POFUT1: variants seen among roughly 807,000 people sequenced by gnomAD.
POFUT1 encodes GDP-fucose protein O-fucosyltransferase 1.
A neutral mutation model predicts 42.4 loss-of-function variants in POFUT1; 16 were observed. The observed-to-expected ratio is 0.38, with a 90% CI of 0.26 to 0.57. POFUT1 has a LOEUF of 0.57. POFUT1 is among the 20% of genes least tolerant of loss of function. POFUT1 has a pLI of 0.71. For synonymous variants in POFUT1, 206 were observed against 205.4 expected, an observed-to-expected ratio of 1.00 and a Z score of -0.03; for missense variants, 470 against 504.6, an observed-to-expected ratio of 0.93 and a Z score of 0.66.
chr20:32,209,990 C>A, intron 1 of POFUT1, 81 bp from the exon 2 acceptor site: 1 of 1,526,548 alleles, frequency 6.6e-7, no homozygotes, highest in Non-Finnish European at 9.1e-7. Context: ...CTACCCCTGG[C>A]TCCACAACCT....
At chr20:32,212,683 G>C (rs1055729063) in intron 2 of POFUT1, among the ~76,000 whole-genome samples, 2 of 152,164 alleles carry the variant, frequency 1.3e-5, no homozygotes, top group Admixed American at 1.3e-4. Flanking sequence ...CCGGGTTCAA[G>C]TGATTTTTGT....
At position 32,216,738 on chromosome 20, in the gene POFUT1, G is replaced by GCGCTA; in HGVS notation, c.542+19_542+20insCTACG. 3.2e-6 allele frequency: 5 copies of GCGCTA among 1,559,486 alleles called. No individual in the cohort carries two copies. The highest frequency in any genetic ancestry group is 4.4e-6 in the Non-Finnish European group (5 of 1,130,278). On this transcript the variant is annotated intron_variant, in intron 4 of 6. Coordinates refer to ENST00000375749, the MANE Select transcript of POFUT1 (RefSeq NM_015352.2). ...GAGCCAGAGGTACTTGGAGGGGGTAGCGTTTCTGGGTTTAGGGGAGGCGCA... is the reference window on the plus strand; with the variant it reads ...GAGCCAGAGGTACTTGGAGGGGGTAGCGCTACGTTTCTGGGTTTAGGGGAGGCGCA...
intron 2 of POFUT1, among the ~76,000 whole-genome samples, chr20:32,212,280 C>CT (rs879826882): frequency 5.5e-4 from 81 of 146,714 alleles, no homozygotes; most frequent in South Asian, 8.6e-4. Flanking sequence ...TTTCTTTTTT[C>CT]TTTTTTTTTT....
Position 32,216,660 on chromosome 20 carries a change from A to T in POFUT1, c.481A>T (p.Lys161Ter). Reference sequence around the variant, plus strand: ...GGATCAGTTTCATGTGAGTTTCAACAAGTCGGAGCTTTTTACAGGCATTTC... The same window carrying T: ...GGATCAGTTTCATGTGAGTTTCAACTAGTCGGAGCTTTTTACAGGCATTTC... The part of the protein sequence containing the change: ...FWDQFHVSFN[K>*]SELFTGISFS... Residue 161 changes from lysine to a stop codon, truncating the protein, a stop_gained, in exon 4 of 7, where the codon AAG becomes TAG. Transcript: ENST00000375749. LOFTEE classifies it high-confidence loss of function. 1 of 1,614,030 alleles carries T rather than the reference A, an allele frequency of 6.2e-7. No individual in the cohort carries two copies. The highest frequency in any genetic ancestry group is 8.5e-7 in the Non-Finnish European group (1 of 1,179,886).
chr20:32,229,630 C>T (rs113307799), intron 5 of POFUT1, among the ~76,000 whole-genome samples: 28 of 152,240 alleles, frequency 1.8e-4, no homozygotes, highest in African/African-American at 6.0e-4. Flanking sequence ...TAAGGCTGCC[C>T]GTTAGTACTG....
chr20:32,223,814 G>C, intron 4 of POFUT1: 1 of 473,404 alleles, frequency 2.1e-6, no homozygotes, highest in Non-Finnish European at 2.8e-6. Flanking sequence ...CATTGTCAAG[G>C]GTGGGGGAGA....
At chr20:32,219,658 G>A (rs568262103) in intron 4 of POFUT1, among the ~76,000 whole-genome samples, 8 of 151,974 alleles carry the variant, frequency 5.3e-5, no homozygotes, top group East Asian at 3.9e-4. Flanking sequence ...CACCACGCCC[G>A]GCTGATTTTT....
chr20:32,230,359 C>T (rs1409409088), intron 5 of POFUT1, among the ~76,000 whole-genome samples: 8 of 147,800 alleles, frequency 5.4e-5, no homozygotes, highest in African/African-American at 2.0e-4. Flanking sequence ...TGCACTCCAG[C>T]CTGGGCGACA....
At chr20:32,217,485 G>C in intron 4 of POFUT1, 1 of 991,634 alleles carries the variant, frequency 1.0e-6, no homozygotes, top group Non-Finnish European at 1.2e-6. Flanking sequence ...TGAGTCTCAT[G>C]CCTGTAATCC....
chr20:32,234,932 C>T lies in POFUT1; in HGVS notation c.*271C>T. On this transcript the variant is annotated 3_prime_UTR_variant, in exon 7 of 7. Coordinates refer to ENST00000375749, the MANE Select transcript of POFUT1 (RefSeq NM_015352.2). ...TTCTCACACTGGCAAAGCAGTCCAG[C>T]CTCCGTCTTCTGGTCCACTCTGCTC... 1 of 369,740 alleles carries T rather than the reference C, an allele frequency of 2.7e-6. No homozygotes were observed. Among genetic ancestry groups the T allele is most frequent in the Non-Finnish European group, 4.9e-6 (1 of 203,646 alleles). 22.9% of individuals were successfully genotyped at this position (369,740 alleles called of 1,614,324 possible). A position where few individuals can be genotyped will look rare whatever the true frequency, so the allele number is the denominator to read the frequency against.
At chr20:32,228,855 C>G (rs769464473) in intron 5 of POFUT1, among the ~76,000 whole-genome samples, 19 of 152,216 alleles carry the variant, frequency 1.2e-4, no homozygotes, top group Non-Finnish European at 1.5e-5. Context: ...GTCATCCTAA[C>G]AGAATTTGGA....
Position 32,220,318 on chromosome 20 carries a change from TG to T in POFUT1, c.542+3601del, listed in dbSNP as rs542415366. 6.0e-3 allele frequency among the ~76,000 whole-genome samples: 914 copies of T among 152,310 alleles called. 6 individuals carry two copies. The highest frequency in any genetic ancestry group is 9.8e-3 in the Non-Finnish European group (668 of 68,022). On this transcript the variant is annotated intron_variant, in intron 4 of 6. Coordinates refer to ENST00000375749, the MANE Select transcript of POFUT1 (RefSeq NM_015352.2). ...GTTATCCTTTTTTGGTAGAGATGGG[TG>T]GGGATCATGCTCTGTTGCTCAGGTT... is the stretch of plus-strand genomic sequence containing the variant.
At chr20:32,222,259 T>C (rs1360487280) in intron 4 of POFUT1, among the ~76,000 whole-genome samples, 1 of 152,178 alleles carries the variant, frequency 6.6e-6, no homozygotes, top group African/African-American at 2.4e-5. Flanking sequence ...GCGGAGATCC[T>C]GCCACTGCAC....
chr20:32,223,292 C>T, intron 4 of POFUT1: 1 of 985,390 alleles, frequency 1.0e-6, no homozygotes, highest in Non-Finnish European at 1.2e-6. Context: ...ATCCCTGTTC[C>T]CCCCTCATTC....
intron 4 of POFUT1, among the ~76,000 whole-genome samples, chr20:32,220,466 G>A (rs1424776476): frequency 4.6e-5 from 7 of 152,196 alleles, no homozygotes; most frequent in African/African-American, 9.7e-5. Context: ...CCAAGGCTGC[G>A]TGCAATGGCT....
rs574068570 is a variant in POFUT1, at chr20:32,234,308, C to A, written c.979-165C>A. ...CCCGGAAGGGTGGGGTGGGCCTAGGCAGCAGCTGGGCAATGCTTCCCTCAG... is the reference window on the plus strand; with the variant it reads ...CCCGGAAGGGTGGGGTGGGCCTAGGAAGCAGCTGGGCAATGCTTCCCTCAG... On this transcript the variant is annotated intron_variant, in intron 6 of 6. Coordinates refer to ENST00000375749, the MANE Select transcript of POFUT1 (RefSeq NM_015352.2). Among the ~76,000 whole-genome samples, 14 of 152,340 alleles carry A rather than the reference C, an allele frequency of 9.2e-5. No individual in the cohort carries two copies. In the South Asian group the frequency reaches 1.7e-3, roughly 18 times the overall value.
At chr20:32,223,661 T>C in intron 4 of POFUT1, 1 of 985,442 alleles carries the variant, frequency 1.0e-6, no homozygotes, top group Non-Finnish European at 1.2e-6. Flanking sequence ...TCCTTCCTTC[T>C]CTAACCCCTG....
intron 4 of POFUT1, among the ~76,000 whole-genome samples, chr20:32,218,599 C>G (rs2047374393): frequency 6.6e-6 from 1 of 152,142 alleles, no homozygotes; most frequent in Non-Finnish European, 1.5e-5. Flanking sequence ...ATTGTTGATC[C>G]CAGATAGCAC....
chr20:32,215,251 C>A lies in POFUT1; in HGVS notation c.247-18C>A. On this transcript the variant is annotated intron_variant, in intron 2 of 6. Transcript: ENST00000375749. Reference sequence around the variant, plus strand: ...CGGGGGCACTGAGACGGGACCTCTGCTCCTCCTTTTCCTGTAGCTCCATGT... The same window carrying A: ...CGGGGGCACTGAGACGGGACCTCTGATCCTCCTTTTCCTGTAGCTCCATGT... The A allele has an allele frequency of 6.3e-7, 1 of 1,597,282 alleles. No homozygotes were observed. The highest frequency in any genetic ancestry group is 8.6e-7 in the Non-Finnish European group (1 of 1,166,112).
Sources: allele counts gnomAD v4.1 joint callset (sites outside exome capture counted in the v4.1 genomes callset), GRCh38; gene constraint gnomAD v4.1.1; transcripts MANE v1.5; gene names NCBI Gene and HGNC (gene_info 2026-07-23, HGNC 2026-07-21).